CTNNA2: variants seen among roughly 807,000 people sequenced by gnomAD.
CTNNA2 encodes the protein catenin alpha 2.
A neutral mutation model predicts 101.0 loss-of-function variants in CTNNA2; 42 were observed. That is an observed-to-expected ratio of 0.42 (90% confidence interval 0.32 to 0.54). The LOEUF (loss-of-function observed/expected upper bound fraction) is 0.54, where lower values mean the gene tolerates loss of function less well. Among genes scored for constraint, CTNNA2 ranks in the 20% least tolerant of loss-of-function variants. CTNNA2 has a pLI of 0.14. For missense variants in CTNNA2, 871 were observed against 1,223.1 expected, an observed-to-expected ratio of 0.71 and a Z score of 4.29; for synonymous variants, 450 against 456.4, an observed-to-expected ratio of 0.99 and a Z score of 0.18.
At chr2:80,316,044 C>T (rs1678089236) in intron 7 of CTNNA2, among the ~76,000 whole-genome samples, 1 of 152,132 alleles carries the variant, frequency 6.6e-6, no homozygotes, top group African/African-American at 2.4e-5. Flanking sequence ...TTTGCTGTTT[C>T]TCCTAAGTCC....
chr2:80,014,414 T>A (rs1239029352), intron 7 of CTNNA2, among the ~76,000 whole-genome samples: 4 of 151,686 alleles, frequency 2.6e-5, no homozygotes, highest in Non-Finnish European at 5.9e-5. Flanking sequence ...TTTTTTAAAG[T>A]TTTCCTAATC....
intron 4 of CTNNA2, among the ~76,000 whole-genome samples, chr2:79,374,636 C>T (rs1161686605): frequency 4.0e-5 from 6 of 151,820 alleles, no homozygotes; most frequent in Admixed American, 3.9e-4. Flanking sequence ...TATCTTTTTT[C>T]TGTGTCTTCA....
At chr2:79,693,237 A>G (rs1436991334) in intron 2 of CTNNA2, among the ~76,000 whole-genome samples, 1 of 151,968 alleles carries the variant, frequency 6.6e-6, no homozygotes, top group African/African-American at 2.4e-5. Context: ...AATAATAGGA[A>G]ACTAGAAATG....
chr2:79,404,890 A>C (rs2861843), intron 4 of CTNNA2, among the ~76,000 whole-genome samples: 128,625 of 152,000 alleles, frequency 0.85, 54,956 homozygotes, highest in East Asian at 0.96. Context: ...TAACTTGATT[A>C]TATTTCTTTC....
At chr2:80,334,825 C>G (rs189345506) in intron 7 of CTNNA2, among the ~76,000 whole-genome samples, 4 of 152,100 alleles carry the variant, frequency 2.6e-5, no homozygotes, top group African/African-American at 9.7e-5. Context: ...TGCCCAGGAC[C>G]GAGGGAGTTG....
chr2:80,531,129 C>T (rs868232075), intron 9 of CTNNA2, among the ~76,000 whole-genome samples: 17 of 152,220 alleles, frequency 1.1e-4, no homozygotes, highest in African/African-American at 1.7e-4. Context: ...TTTCTTTAGT[C>T]AGTTCCCTGG....
rs553936294 is a variant in CTNNA2 at position 79,925,543 on chromosome 2, G to T, written c.1056+15746G>T. Among the ~76,000 whole-genome samples the T allele has an allele frequency of 4.6e-5, 7 of 152,108 alleles. No homozygotes were observed. The East Asian group carries it at 1.4e-3, about 29-fold the overall frequency. ...TTACTAATGAAAGGATTATTTACTA[G>T]CAAATCACATATAGTTTGACACATC... is the stretch of plus-strand genomic sequence containing the variant. On this transcript the variant is annotated intron_variant, in intron 7 of 18. Coordinates refer to ENST00000402739, the MANE Select transcript of CTNNA2 (RefSeq NM_001282597.3).
At chr2:79,927,382 G>T (rs1687094956) in intron 7 of CTNNA2, among the ~76,000 whole-genome samples, 7 of 152,066 alleles carry the variant, frequency 4.6e-5, no homozygotes, top group Admixed American at 3.3e-4. Context: ...GAGATAAGAG[G>T]CCATAGAGAC....
chr2:79,337,769 T>C (rs1677025962), intron 3 of CTNNA2, among the ~76,000 whole-genome samples: 1 of 152,062 alleles, frequency 6.6e-6, no homozygotes, highest in Non-Finnish European at 1.5e-5. Context: ...GGCATTTACC[T>C]ACGTAGAGCT....
At chr2:79,744,753 T>C (rs1234159186) in intron 3 of CTNNA2, among the ~76,000 whole-genome samples, 171 bp downstream of exon 3, 1 of 152,234 alleles carries the variant, frequency 6.6e-6, no homozygotes, top group Non-Finnish European at 1.5e-5. Flanking sequence ...AGAGATATTT[T>C]CATTGTTGCA....
intron 4 of CTNNA2, among the ~76,000 whole-genome samples, chr2:79,498,479 T>A (rs943904156): frequency 2.6e-5 from 4 of 152,236 alleles, no homozygotes; most frequent in African/African-American, 9.6e-5. Context: ...CAGTAGTTTA[T>A]CTGGTCAAAG....
chr2:79,666,459 G>A (rs575422556), intron 2 of CTNNA2, among the ~76,000 whole-genome samples: 1 of 152,120 alleles, frequency 6.6e-6, no homozygotes, highest in South Asian at 2.1e-4. Context: ...ATTTTCATGT[G>A]CATTTTTGTC....
At chr2:80,458,294 G>A (rs573576277) in intron 9 of CTNNA2, among the ~76,000 whole-genome samples, 4 of 152,194 alleles carry the variant, frequency 2.6e-5, no homozygotes, top group South Asian at 4.1e-4. Context: ...GTATTTTGTA[G>A]TTAATATGAC....
intron 4 of CTNNA2, among the ~76,000 whole-genome samples, chr2:79,476,707 GT>G (rs1299839134): frequency 6.6e-6 from 1 of 152,114 alleles, no homozygotes; most frequent in Admixed American, 6.6e-5. Context: ...TCTGATTTTA[GT>G]TTGTTATTCT....
intron 7 of CTNNA2, chr2:80,304,593 C>A (rs1676722564): frequency 6.6e-6 from 1 of 150,880 alleles, no homozygotes; most frequent in African/African-American, 2.4e-5. Flanking sequence ...CTGCAGAGAG[C>A]GGGCTCACTC....
At chr2:80,471,984 G>C (rs1244185121) in intron 9 of CTNNA2, among the ~76,000 whole-genome samples, 5 of 152,086 alleles carry the variant, frequency 3.3e-5, no homozygotes, top group Non-Finnish European at 7.4e-5. Flanking sequence ...AAATTAGCTG[G>C]GTGTCATGGC....
intron 7 of CTNNA2, among the ~76,000 whole-genome samples, chr2:80,089,599 A>G (rs1298472214): frequency 6.6e-6 from 1 of 152,066 alleles, no homozygotes; most frequent in Non-Finnish European, 1.5e-5. Flanking sequence ...ATGCAAAAAA[A>G]ATTAGTAAAA....
At position 80,189,147 on chromosome 2, in the gene CTNNA2, T is replaced by C. The variant is rs1364828059; in HGVS notation, c.1057-204064T>C. Among the ~76,000 whole-genome samples the C allele has an allele frequency of 3.3e-5, 5 of 151,986 alleles. No individual in the cohort carries two copies. The East Asian group carries it at 7.8e-4, about 24-fold the overall frequency. ...TTTTGTATTTTTAGTAGAGACGAGG[T>C]TTCACCATGTTGGCCTGGCTGGTCT... On this transcript the variant is annotated intron_variant, in intron 7 of 18. Coordinates refer to ENST00000402739, the MANE Select transcript of CTNNA2 (RefSeq NM_001282597.3).
intron 3 of CTNNA2, among the ~76,000 whole-genome samples, chr2:79,330,976 A>G (rs937292952): frequency 1.3e-5 from 2 of 152,182 alleles, no homozygotes; most frequent in African/African-American, 4.8e-5. Flanking sequence ...TGTTCCTCAT[A>G]AAGCTCTTAA....
Sources: allele counts gnomAD v4.1 joint callset (sites outside exome capture counted in the v4.1 genomes callset), GRCh38; gene constraint gnomAD v4.1.1; transcripts MANE v1.5; gene names NCBI Gene and HGNC (gene_info 2026-07-23, HGNC 2026-07-21).